The following CUL2 variants were observed in gnomAD, a reference collection of about 807,000 sequenced individuals.
CUL2 encodes cullin 2, also known as cullin-2.
A neutral mutation model predicts 110.2 loss-of-function variants in CUL2; 22 were observed. The ratio of observed to expected loss-of-function variants is 0.20; its 90% CI spans 0.14 to 0.28. The LOEUF (loss-of-function observed/expected upper bound fraction) is 0.28. CUL2 is among the 10% of genes least tolerant of loss of function. The pLI is 1.00. For missense variants in CUL2, 631 were observed against 905.5 expected, an observed-to-expected ratio of 0.70 and a Z score of 3.89; for synonymous variants, 279 against 293.2, an observed-to-expected ratio of 0.95 and a Z score of 0.49.
At chr10:35,078,884 A>C (rs2135029535) in intron 1 of CUL2, among the ~76,000 whole-genome samples, 1 of 152,328 alleles carries the variant, frequency 6.6e-6, no homozygotes, top group African/African-American at 2.4e-5. Flanking sequence ...TATCAGTAAG[A>C]TACAATAGAG....
rs532855421 is a variant in CUL2 at position 35,076,286 on chromosome 10, G to C, written c.-22-4947C>G. Among the ~76,000 whole-genome samples, 5 of 152,246 alleles carry C rather than the reference G, an allele frequency of 3.3e-5. No individual in the cohort carries two copies. In the East Asian group the frequency reaches 9.6e-4, roughly 29 times the overall value. On this transcript the variant is annotated intron_variant, in intron 1 of 20. Coordinates refer to ENST00000374749, the MANE Select transcript of CUL2 (RefSeq NM_003591.4). ...GGAACTTGGGGGGAAAATGGGAAAT[G>C]ACTGCCAACAGGGTGAGGAAAATGC...
intron 4 of CUL2, among the ~76,000 whole-genome samples, chr10:35,056,566 C>T (rs749801344): frequency 2.6e-5 from 4 of 152,090 alleles, no homozygotes; most frequent in Admixed American, 6.5e-5. Context: ...TCCCATTCAA[C>T]ATCGGCTGAG....
intron 1 of CUL2, among the ~76,000 whole-genome samples, chr10:35,077,412 G>A (rs900794184): frequency 2.0e-5 from 3 of 151,174 alleles, no homozygotes; most frequent in African/African-American, 4.9e-5. Context: ...GAGGAGAATC[G>A]CTTGAACCTG....
intron 1 of CUL2, among the ~76,000 whole-genome samples, chr10:35,103,124 A>G (rs2087405456): frequency 1.3e-5 from 2 of 151,910 alleles, no homozygotes; most frequent in Non-Finnish European, 2.9e-5. Context: ...ACTCCATCCC[A>G]AATCTACTTG....
rs2087576621 is a variant in CUL2, at chr10:35,115,061, AATT to A, written c.-51+11541_-51+11543del. ...ACCCCATCTCTACTAAAAATACAAA[AATT>A]AGCTGGATGTGATGATGTGCGCCTT... On this transcript the variant is annotated intron_variant, in intron 1 of 5. Coordinates refer to the CUL2 transcript ENST00000685421. Among the ~76,000 whole-genome samples the A allele has an allele frequency of 2.0e-5, 3 of 151,944 alleles. No individual in the cohort carries two copies. In the South Asian group the frequency reaches 6.2e-4, roughly 32 times the overall value.
intron 1 of CUL2, chr10:35,120,165 G>C (rs2087661262): frequency 6.6e-6 from 1 of 152,098 alleles, no homozygotes; most frequent in Non-Finnish European, 1.5e-5. Context: ...CTCAGATATA[G>C]AAGTCCCTGA....
chr10:35,092,250 C>T (rs1438636664), upstream of CUL2, among the ~76,000 whole-genome samples: 1 of 152,212 alleles, frequency 6.6e-6, no homozygotes, highest in Non-Finnish European at 1.5e-5. Context: ...GCCACCATGC[C>T]TGGCCTCCTC....
intron 5 of CUL2, among the ~76,000 whole-genome samples, chr10:35,050,453 G>T (rs1311963111): frequency 6.6e-6 from 1 of 152,164 alleles, no homozygotes; most frequent in Non-Finnish European, 1.5e-5. Context: ...GCTGTAGACT[G>T]ATTTTTTTAA....
At chr10:35,092,710 G>A (rs1441887447), upstream of CUL2, among the ~76,000 whole-genome samples, 1 of 152,122 alleles carries the variant, frequency 6.6e-6, no homozygotes, top group Non-Finnish European at 1.5e-5. Context: ...GTCATTCCTG[G>A]GCATAGGCCA....
chr10:35,058,021 C>T (rs2086286414), intron 4 of CUL2, among the ~76,000 whole-genome samples: 1 of 152,144 alleles, frequency 6.6e-6, no homozygotes, highest in East Asian at 1.9e-4. Context: ...TCACTTGAAT[C>T]TGGGAGGCGG....
chr10:35,038,364 A>C (rs1012478853), intron 9 of CUL2, among the ~76,000 whole-genome samples: 1 of 151,040 alleles, frequency 6.6e-6, no homozygotes, highest in African/African-American at 2.4e-5. Flanking sequence ...TCTCTACTAA[A>C]AGTACAAAAA....
chr10:35,064,812 G>C (rs1187864199), intron 2 of CUL2, among the ~76,000 whole-genome samples: 1 of 152,058 alleles, frequency 6.6e-6, no homozygotes, highest in African/African-American at 2.4e-5. Flanking sequence ...CAAAGTGCTA[G>C]GATTACAGGT....
At chr10:35,040,670 C>A (rs1011588373) in intron 8 of CUL2, among the ~76,000 whole-genome samples, 2 of 152,108 alleles carry the variant, frequency 1.3e-5, no homozygotes, top group Non-Finnish European at 2.9e-5. Context: ...GAGCAGCAGT[C>A]CCTAACCTTT....
intron 1 of CUL2, among the ~76,000 whole-genome samples, chr10:35,116,799 T>C (rs567737584): frequency 2.4e-4 from 36 of 152,034 alleles, no homozygotes; most frequent in African/African-American, 7.2e-4. Context: ...CTACTAAAAA[T>C]ACAAAAGAAT....
At chr10:35,014,397 A>G (rs2084976502) in intron 18 of CUL2, among the ~76,000 whole-genome samples, 1 of 152,238 alleles carries the variant, frequency 6.6e-6, no homozygotes, top group African/African-American at 2.4e-5. Flanking sequence ...TTTTAGAATA[A>G]CAACTTCTGT....
intron 1 of CUL2, among the ~76,000 whole-genome samples, chr10:35,107,019 G>C (rs998639455): frequency 1.3e-5 from 2 of 151,958 alleles, no homozygotes; most frequent in South Asian, 4.1e-4. Flanking sequence ...CTGTCACCCA[G>C]AGTAGAGTGC....
intron 5 of CUL2, among the ~76,000 whole-genome samples, chr10:35,051,820 C>T (rs1196928868): frequency 6.6e-6 from 1 of 151,948 alleles, no homozygotes; most frequent in African/African-American, 2.4e-5. Flanking sequence ...GAAATTAATC[C>T]CTTGAAAGTT....
At chr10:35,074,677 G>C (rs190744452) in intron 1 of CUL2, among the ~76,000 whole-genome samples, 311 of 152,222 alleles carry the variant, frequency 2.0e-3, no homozygotes, top group Non-Finnish European at 3.5e-3. Context: ...ATAGAGACAG[G>C]GTTTCACCAT....
At chr10:35,047,640 G>A (rs910463131) in intron 6 of CUL2, among the ~76,000 whole-genome samples, 12 of 150,646 alleles carry the variant, frequency 8.0e-5, no homozygotes, top group East Asian at 2.0e-4. Flanking sequence ...CATAAAGGCC[G>A]GGTGCGGTGG....
Sources: allele counts gnomAD v4.1 joint callset (sites outside exome capture counted in the v4.1 genomes callset), GRCh38; gene constraint gnomAD v4.1.1; transcripts MANE v1.5; gene names NCBI Gene and HGNC (gene_info 2026-07-23, HGNC 2026-07-21).